Variants in C13orf42 observed in about 807,000 individuals in gnomAD.
The protein encoded by C13orf42 is chromosome 13 open reading frame 42, also known as uncharacterized protein C13orf42.
At chr13:51,138,157 G>T (rs1250028151) in intron 1 of C13orf42, among the ~76,000 whole-genome samples, 1 of 152,124 alleles carries the variant, frequency 6.6e-6, no homozygotes, top group Admixed American at 6.5e-5. Flanking sequence ...CAAATGCCAG[G>T]ATTCACTCAT....
upstream of C13orf42, among the ~76,000 whole-genome samples, chr13:51,115,376 C>T (rs1953480413): frequency 6.6e-6 from 1 of 152,184 alleles, no homozygotes; most frequent in African/African-American, 2.4e-5. Flanking sequence ...TTTGACCAGG[C>T]ACCCTGTCCC....
chr13:51,114,940 T>C (rs1311237709), upstream of C13orf42, among the ~76,000 whole-genome samples: 1 of 152,228 alleles, frequency 6.6e-6, no homozygotes, highest in Non-Finnish European at 1.5e-5. Flanking sequence ...GATATGTTCA[T>C]TTGCTTCACT....
chr13:51,125,129 T>G (rs1246278895), intron 1 of C13orf42, among the ~76,000 whole-genome samples: 1 of 152,158 alleles, frequency 6.6e-6, no homozygotes, highest in Admixed American at 6.5e-5. Flanking sequence ...TGCCTCTCCA[T>G]TCATTAACAG....
chr13:51,108,816 G>A (rs1052045648), intron 1 of C13orf42, among the ~76,000 whole-genome samples: 2 of 152,182 alleles, frequency 1.3e-5, no homozygotes, highest in Non-Finnish European at 2.9e-5. Context: ...TCCTGATTGC[G>A]CTGTGGTGAG....
intron 1 of C13orf42, among the ~76,000 whole-genome samples, chr13:51,110,390 G>T (rs938338105): frequency 6.6e-6 from 1 of 152,068 alleles, no homozygotes; most frequent in Non-Finnish European, 1.5e-5. Context: ...CTTCCCCACC[G>T]AGCTGCTCTG....
intron 1 of C13orf42, among the ~76,000 whole-genome samples, chr13:51,138,216 T>C (rs1000836143): frequency 2.6e-5 from 4 of 152,360 alleles, no homozygotes; most frequent in Admixed American, 2.0e-4. Context: ...AACTTTAAAG[T>C]TGTGGCCTGT....
intron 1 of C13orf42, 48 bp from the exon 2 acceptor site, chr13:51,088,123 C>CAGAG (rs1479205219): frequency 2.5e-6 from 1 of 398,310 alleles, no homozygotes; most frequent in Non-Finnish European, 4.4e-6. Context: ...GCCAGTAAGC[C>CAGAG]AGAGACTCAG....
At chr13:51,105,461 T>C (rs556289719) in intron 1 of C13orf42, among the ~76,000 whole-genome samples, 3 of 152,206 alleles carry the variant, frequency 2.0e-5, no homozygotes, top group Non-Finnish European at 4.4e-5. Context: ...TAAAATATTA[T>C]TAAGGGCATC....
At chr13:51,119,426 C>G (rs971894828) in intron 1 of C13orf42, among the ~76,000 whole-genome samples, 1 of 152,058 alleles carries the variant, frequency 6.6e-6, no homozygotes, top group Non-Finnish European at 1.5e-5. Context: ...CTAGCAGAGC[C>G]AGAAAAGCAT....
intron 1 of C13orf42, among the ~76,000 whole-genome samples, chr13:51,109,861 G>T (rs1334199174): frequency 1.3e-5 from 2 of 152,184 alleles, no homozygotes; most frequent in African/African-American, 2.4e-5. Context: ...CTGAGCCTCG[G>T]TTTTCCCTTC....
At position 51,160,430 on chromosome 13, in the gene C13orf42, A is replaced by T. The variant is rs183964530; in HGVS notation, n.136+11823T>A. 2.3e-3 allele frequency among the ~76,000 whole-genome samples: 353 copies of T among 152,336 alleles called. 1 individual carries two copies. Among genetic ancestry groups the T allele is most frequent in the African/African-American group, 8.2e-3 (340 of 41,578 alleles). On this transcript the variant is annotated intron_variant and non_coding_transcript_variant, in intron 1 of 4. Transcript: ENST00000433280. ...GAGGCTGAGGCAGGAGAGTCAATGA[A>T]CCTGGGAGACGGAGGTTGCAGTGAG...
chr13:51,102,805 G>A (rs549623309), intron 1 of C13orf42, among the ~76,000 whole-genome samples: 22 of 152,308 alleles, frequency 1.4e-4, no homozygotes, highest in African/African-American at 5.1e-4. Flanking sequence ...CATGGCTGGG[G>A]AAGCCTCAGG....
At chr13:51,086,363 T>C (rs1419003244) in intron 2 of C13orf42, among the ~76,000 whole-genome samples, 1 of 151,504 alleles carries the variant, frequency 6.6e-6, no homozygotes, top group Non-Finnish European at 1.5e-5. Flanking sequence ...TCTATATTTA[T>C]GGGCTTGGAA....
chr13:51,086,846 C>T (rs544527243), intron 2 of C13orf42, among the ~76,000 whole-genome samples: 5 of 152,220 alleles, frequency 3.3e-5, no homozygotes, highest in East Asian at 1.9e-4. Flanking sequence ...GGAGGGGCTG[C>T]GTGGGAGAGG....
At chr13:51,092,607 CAACTT>C (rs1237713708) in intron 1 of C13orf42, among the ~76,000 whole-genome samples, 1 of 151,914 alleles carries the variant, frequency 6.6e-6, no homozygotes, top group Non-Finnish European at 1.5e-5. Context: ...CTAAAACACT[CAACTT>C]AGTTTCCATA....
chr13:51,089,429 T>C (rs1953160805), intron 1 of C13orf42, among the ~76,000 whole-genome samples: 1 of 152,060 alleles, frequency 6.6e-6, no homozygotes, highest in Admixed American at 6.5e-5. Context: ...TGGGAGGTGA[T>C]TGGATCATGG....
chr13:51,099,732 T>C (rs904166293), intron 1 of C13orf42, among the ~76,000 whole-genome samples: 7 of 152,200 alleles, frequency 4.6e-5, no homozygotes, highest in Admixed American at 3.9e-4. Context: ...ACTCCTGGCC[T>C]CAAGCAATCC....
intron 1 of C13orf42, among the ~76,000 whole-genome samples, chr13:51,159,278 CT>C (rs1158300858): frequency 6.6e-6 from 1 of 152,090 alleles, no homozygotes; most frequent in East Asian, 1.9e-4. Context: ...CCGGAGGTTG[CT>C]TTTTGTGGAT....
At chr13:51,129,849 C>T (rs1444035103) in intron 1 of C13orf42, among the ~76,000 whole-genome samples, 1 of 152,156 alleles carries the variant, frequency 6.6e-6, no homozygotes, top group Non-Finnish European at 1.5e-5. Flanking sequence ...GCCTAGTAAA[C>T]TGGTCAGTTA....
Sources: allele counts gnomAD v4.1 joint callset (sites outside exome capture counted in the v4.1 genomes callset), GRCh38; gene constraint gnomAD v4.1.1; transcripts MANE v1.5; gene names NCBI Gene and HGNC (gene_info 2026-07-23, HGNC 2026-07-21).